The following TP53INP1 variants were observed in gnomAD, a reference collection of about 807,000 sequenced individuals.
TP53INP1 encodes tumor protein p53 inducible nuclear protein 1.
In TP53INP1, 12 loss-of-function variants were observed where a neutral mutation model predicts 21.0. That is an observed-to-expected ratio of 0.57 (90% confidence interval 0.37 to 0.93). TP53INP1 has a LOEUF of 0.93. Among genes scored for constraint, TP53INP1 ranks in the 40% least tolerant of loss-of-function variants. TP53INP1 has a pLI of 0.01. For synonymous variants in TP53INP1, 91 were observed against 94.8 expected (o/e 0.96, Z 0.23); for missense variants, 274 against 294.7 (o/e 0.93, Z 0.51).
intron 2 of TP53INP1, 117 bp downstream of exon 2, chr8:94,940,713 C>A: frequency 1.4e-6 from 1 of 696,544 alleles, no homozygotes; most frequent in Non-Finnish European, 2.4e-6. Context: ...AGACAAACTC[C>A]TGCTTACTTT....
chr8:94,936,420 G>A lies in TP53INP1; in HGVS notation c.473+3440C>T, dbSNP rs186888188. 2.3e-3 allele frequency among the ~76,000 whole-genome samples: 350 copies of A among 152,314 alleles called. 5 individuals are homozygous for A. Among genetic ancestry groups the A allele is most frequent in the Admixed American group, 0.021 (327 of 15,288 alleles). On this transcript the variant is annotated intron_variant, in intron 3 of 3. Transcript: ENST00000342697. ...TCCACACTGCCAATAGCTCTCAACTGACTGACAAAGAGCTGCTTGGTTGTG... is the reference window on the plus strand; with the variant it reads ...TCCACACTGCCAATAGCTCTCAACTAACTGACAAAGAGCTGCTTGGTTGTG...
intron 1 of TP53INP1, 111 bp from the exon 2 acceptor site, chr8:94,941,202 T>C (rs1002102762): frequency 5.9e-5 from 19 of 319,438 alleles, no homozygotes; most frequent in African/African-American, 4.0e-4. Context: ...TTGGCCTACA[T>C]TCTACAGCTA....
Position 94,944,556 on chromosome 8 carries a change from A to C in TP53INP1, c.-150-3465T>G, listed in dbSNP as rs143759053. On this transcript the variant is annotated intron_variant, in intron 1 of 3. Coordinates refer to ENST00000342697, the MANE Select transcript of TP53INP1 (RefSeq NM_033285.4). ...GTCAGAGGCTGCCTCCAGATGTCCCATATCTCTGCAAGGACAACCAACCTT... is the reference window on the plus strand; with the variant it reads ...GTCAGAGGCTGCCTCCAGATGTCCCCTATCTCTGCAAGGACAACCAACCTT... Among the ~76,000 whole-genome samples, 1,112 of 152,330 alleles carry C rather than the reference A, an allele frequency of 7.3e-3. 14 individuals are homozygous for C. The highest frequency in any genetic ancestry group is 0.024 in the African/African-American group (1,011 of 41,562).
chr8:94,946,089 T>C (rs976153133), intron 1 of TP53INP1, among the ~76,000 whole-genome samples: 2 of 134,562 alleles, frequency 1.5e-5, no homozygotes, highest in African/African-American at 2.5e-5. Context: ...ACTTAACACA[T>C]TGGTGCCTTT....
intron 3 of TP53INP1, among the ~76,000 whole-genome samples, chr8:94,932,580 G>A (rs2131321765): frequency 6.6e-6 from 1 of 152,264 alleles, no homozygotes; most frequent in Middle Eastern, 3.4e-3. Context: ...GAGGCGGGCG[G>A]ATCGTGAGGT....
chr8:94,935,375 G>C (rs189726498), intron 3 of TP53INP1, among the ~76,000 whole-genome samples: 2 of 152,298 alleles, frequency 1.3e-5, no homozygotes, highest in African/African-American at 4.8e-5. Flanking sequence ...AATTAACTGG[G>C]TAATGGGGTT....
chr8:94,930,495 C>T lies in TP53INP1; in HGVS notation c.707G>A (p.Arg236His), dbSNP rs777588834. The change falls in exon 4 of 4, where the codon CGT becomes CAT. Residue 236 changes from arginine (R) to histidine (H), a missense_variant. Transcript: ENST00000342697. The stretch of plus-strand genomic sequence containing the variant: ...TTGAAACTATTAGTAATTGTACTGA[C>T]GCGGGCAGGGCTGATGAACAACCCA... ...NGWVVHQPCP[R>H]QYNY is the part of the protein sequence containing the mutation. The T allele has an allele frequency of 1.2e-5, 19 of 1,614,080 alleles. No homozygotes were observed. The East Asian group carries it at 2.2e-4, about 19-fold the overall frequency.
intron 1 of TP53INP1, among the ~76,000 whole-genome samples, chr8:94,943,011 A>G (rs113078837): frequency 1.3e-5 from 2 of 152,236 alleles, no homozygotes; most frequent in East Asian, 1.9e-4. Flanking sequence ...GGAAACAGGA[A>G]TGAATCCTGC....
intron 3 of TP53INP1, chr8:94,931,936 C>G: frequency 1.3e-6 from 1 of 791,682 alleles, no homozygotes; most frequent in Non-Finnish European, 2.0e-6. Context: ...CACACCATTG[C>G]ACTCCAGCCT....
At chr8:94,945,857 G>C (rs759206573) in intron 1 of TP53INP1, among the ~76,000 whole-genome samples, 1 of 152,138 alleles carries the variant, frequency 6.6e-6, no homozygotes, top group Non-Finnish European at 1.5e-5. Context: ...CAGTTTCCCC[G>C]ACAAGAGAAA....
In TP53INP1 at chr8:94,941,042, G is replaced by A. The variant is rs1268772701; in HGVS notation, c.-101C>T. On this transcript the variant is annotated 5_prime_UTR_variant, in exon 2 of 4. Coordinates refer to ENST00000342697, the MANE Select transcript of TP53INP1 (RefSeq NM_033285.4). The stretch of plus-strand genomic sequence containing the variant: ...AATGGTACCGACAGGAGATTAAAGT[G>A]CACAGGGTGCTTATTCAACTTAGGT... The A allele has an allele frequency of 5.1e-6, 4 of 783,162 alleles. No individual in the cohort carries two copies. In the East Asian group the frequency reaches 7.6e-5, roughly 15 times the overall value. The allele number at this position is 783,162 out of a possible 1,614,324, so 48.5% of individuals were successfully genotyped here.
At position 94,930,649 on chromosome 8, in the gene TP53INP1, G is replaced by C; in HGVS notation, c.553C>G (p.Gln185Glu). 1.2e-6 allele frequency: 2 copies of C among 1,614,196 alleles called. No homozygotes were observed. Among genetic ancestry groups the C allele is most frequent in the Non-Finnish European group, 1.7e-6 (2 of 1,180,038 alleles). Residue 185 changes from glutamine (Q) to glutamate (E), a missense_variant, in exon 4 of 4, where the codon CAA becomes GAA. Physicochemically the swap from Gln to Glu is conservative, Grantham distance 29. Transcript: ENST00000342697. ...TGGGAAGGGCGAAAGCTCTTGGGTT[G>C]TTCCAGAAAAGTTGTATGAGCAGCA... ...ALAAHTTFLE[Q>E]PKSFRPSQWI...
chr8:94,933,519 C>G (rs1820636804), intron 3 of TP53INP1, among the ~76,000 whole-genome samples: 1 of 152,148 alleles, frequency 6.6e-6, no homozygotes, highest in Admixed American at 6.5e-5. Flanking sequence ...AATCCCAGCA[C>G]TTTGGAAGGC....
intron 3 of TP53INP1, among the ~76,000 whole-genome samples, chr8:94,935,013 A>T (rs1257286037): frequency 6.6e-6 from 1 of 152,118 alleles, no homozygotes; most frequent in Non-Finnish European, 1.5e-5. Context: ...TTGAGACTTG[A>T]GAGTATGGCA....
In TP53INP1 at chr8:94,932,991, C is replaced by T. The variant is rs534541022; in HGVS notation, c.474-2263G>A. Among the ~76,000 whole-genome samples, 7 of 152,032 alleles carry T rather than the reference C, an allele frequency of 4.6e-5. No homozygotes were observed. In the South Asian group the frequency reaches 1.5e-3, roughly 32 times the overall value. On this transcript the variant is annotated intron_variant, in intron 3 of 3. Transcript: ENST00000342697. Reference sequence around the variant, plus strand: ...CAGAACTTTGGGAGGTCAAGGTGGGCGGATCACTTGAGGTCAGGAGTTTGA... The same window carrying T: ...CAGAACTTTGGGAGGTCAAGGTGGGTGGATCACTTGAGGTCAGGAGTTTGA...
chr8:94,948,948 C>G (rs1407525536), intron 1 of TP53INP1, among the ~76,000 whole-genome samples: 1 of 150,798 alleles, frequency 6.6e-6, no homozygotes. Flanking sequence ...CCCCGGGGGC[C>G]GCCGAGGACC....
chr8:94,937,042 G>C (rs897584401), intron 3 of TP53INP1, among the ~76,000 whole-genome samples: 3 of 152,194 alleles, frequency 2.0e-5, no homozygotes, highest in African/African-American at 7.2e-5. Context: ...AGAAAAGACA[G>C]TCTCTGGAGT....
chr8:94,940,318 A>G (rs574176994), intron 2 of TP53INP1, 98 bp from the exon 3 acceptor site: 2 of 1,377,640 alleles, frequency 1.5e-6, no homozygotes, highest in East Asian at 2.3e-5. Flanking sequence ...TCACCCATCA[A>G]ATTCACAGCA....
In TP53INP1 at chr8:94,939,986, G is replaced by C; in HGVS notation, c.347C>G (p.Thr116Arg). The change falls in exon 3 of 4, where the codon ACA becomes AGA. Residue 116 changes from threonine (T) to arginine (R), a missense_variant. Coordinates refer to ENST00000342697, the MANE Select transcript of TP53INP1 (RefSeq NM_033285.4). ...AATGAGAAGGTTTTCCATAGGACTT[G>C]TTTCCACCTTGATAGTGGTTAATCC... ...AGGLTTIKVE[T>R]SPMENLLIEH... is the part of the protein sequence containing the mutation. 1.2e-6 allele frequency: 2 copies of C among 1,614,186 alleles called. No homozygotes were observed. Among genetic ancestry groups the C allele is most frequent in the Non-Finnish European group, 1.7e-6 (2 of 1,180,040 alleles).
Sources: allele counts gnomAD v4.1 joint callset (sites outside exome capture counted in the v4.1 genomes callset), GRCh38; gene constraint gnomAD v4.1.1; transcripts MANE v1.5; gene names NCBI Gene and HGNC (gene_info 2026-07-23, HGNC 2026-07-21).